The following LRRTM4 variants were observed in gnomAD, a reference collection of about 807,000 sequenced individuals.
The protein encoded by LRRTM4 is leucine-rich repeat transmembrane neuronal protein 4.
LRRTM4 carries 25 observed loss-of-function variants against 47.6 expected under a neutral mutation model. The ratio of observed to expected loss-of-function variants is 0.53; its 90% CI spans 0.38 to 0.73. LRRTM4 has a LOEUF of 0.73. LRRTM4 is among the 30% of genes least tolerant of loss of function. The pLI is 0.00. For missense variants in LRRTM4, 638 were observed against 713.4 expected, an observed-to-expected ratio of 0.89 and a Z score of 1.20; for synonymous variants, 311 against 269.5, an observed-to-expected ratio of 1.15 and a Z score of -1.51.
At chr2:77,006,664 T>C (rs1224269553) in intron 3 of LRRTM4, among the ~76,000 whole-genome samples, 1 of 152,114 alleles carries the variant, frequency 6.6e-6, no homozygotes, top group East Asian at 1.9e-4. Context: ...GATTCTAGAC[T>C]TCTGGGGATC....
chr2:77,218,810 C>A (rs1366721646), intron 3 of LRRTM4, among the ~76,000 whole-genome samples: 1 of 152,028 alleles, frequency 6.6e-6, no homozygotes, highest in Non-Finnish European at 1.5e-5. Context: ...CTTTGTGATG[C>A]CTTCATTGAA....
intron 3 of LRRTM4, among the ~76,000 whole-genome samples, chr2:76,875,035 C>T (rs564680278): frequency 6.6e-6 from 1 of 152,078 alleles, no homozygotes; most frequent in East Asian, 1.9e-4. Context: ...ATGGGGGTGG[C>T]ATTTAGTTTT....
At chr2:77,167,991 T>G (rs1672937552) in intron 3 of LRRTM4, among the ~76,000 whole-genome samples, 1 of 152,050 alleles carries the variant, frequency 6.6e-6, no homozygotes, top group Admixed American at 6.6e-5. Context: ...GTAAAATTAT[T>G]GTTTTATTAT....
chr2:77,132,759 C>T (rs573271349), intron 3 of LRRTM4, among the ~76,000 whole-genome samples: 228 of 152,250 alleles, frequency 1.5e-3, no homozygotes, highest in Non-Finnish European at 2.9e-3. Flanking sequence ...CCTAAAGTCC[C>T]CTCCTCTTAG....
intron 3 of LRRTM4, among the ~76,000 whole-genome samples, chr2:77,256,486 T>C (rs1474077394): frequency 6.6e-6 from 1 of 151,976 alleles, no homozygotes; most frequent in Non-Finnish European, 1.5e-5. Flanking sequence ...AGGGACCCAG[T>C]GGGAGGTAAT....
chr2:76,964,037 A>T (rs1299464338), intron 3 of LRRTM4, among the ~76,000 whole-genome samples: 2 of 151,016 alleles, frequency 1.3e-5, no homozygotes, highest in Admixed American at 6.6e-5. Context: ...AAATTTTAAT[A>T]AGACAAATAA....
At chr2:76,885,330 T>G (rs1275206740) in intron 3 of LRRTM4, among the ~76,000 whole-genome samples, 1 of 152,106 alleles carries the variant, frequency 6.6e-6, no homozygotes, top group African/African-American at 2.4e-5. Context: ...TGGGACCCTA[T>G]CTTACTTATC....
At chr2:77,520,777 C>T (rs1393237600) in intron 2 of LRRTM4, among the ~76,000 whole-genome samples, 1 of 151,856 alleles carries the variant, frequency 6.6e-6, no homozygotes, top group Admixed American at 6.6e-5. Flanking sequence ...TTTTTTCTCC[C>T]CTATCTCCAT....
intron 3 of LRRTM4, among the ~76,000 whole-genome samples, chr2:77,114,164 T>A (rs1394545829): frequency 4.6e-5 from 7 of 152,048 alleles, no homozygotes; most frequent in African/African-American, 1.7e-4. Context: ...GGGATTGCTA[T>A]GTCATCAGGA....
intron 3 of LRRTM4, among the ~76,000 whole-genome samples, chr2:77,088,382 G>A (rs13387548): frequency 0.18 from 27,122 of 151,882 alleles, 3,758 homozygotes; most frequent in East Asian, 0.42. Context: ...GTAAATGACC[G>A]GTCCTTGCCT....
At chr2:77,411,177 A>C (rs1674406197) in intron 3 of LRRTM4, among the ~76,000 whole-genome samples, 1 of 152,044 alleles carries the variant, frequency 6.6e-6, no homozygotes, top group Admixed American at 6.6e-5. Context: ...CATTTTCCGT[A>C]CCTTCGCCTG....
At position 77,038,867 on chromosome 2, in the gene LRRTM4, C is replaced by G. The variant is rs142173873; in HGVS notation, c.1552-289951G>C. Among the ~76,000 whole-genome samples the G allele has an allele frequency of 2.2e-3, 332 of 151,482 alleles. 1 individual carries two copies. Among genetic ancestry groups the G allele is most frequent in the African/African-American group, 7.5e-3 (309 of 41,470 alleles). The stretch of plus-strand genomic sequence containing the variant: ...ATTTTATTTCTTTGCACACTTGACT[C>G]TCAGACAAAAAATGTATGAGTTTAG... On this transcript the variant is annotated intron_variant, in intron 3 of 3. Coordinates refer to ENST00000409884, the MANE Select transcript of LRRTM4 (RefSeq NM_001134745.3).
intron 3 of LRRTM4, among the ~76,000 whole-genome samples, chr2:77,266,071 C>A (rs1676040683): frequency 6.6e-6 from 1 of 152,124 alleles, no homozygotes; most frequent in South Asian, 2.1e-4. Flanking sequence ...CACAGTCATG[C>A]CTACTCATTT....
chr2:76,993,647 G>A (rs930665811), intron 3 of LRRTM4, among the ~76,000 whole-genome samples: 7 of 151,772 alleles, frequency 4.6e-5, no homozygotes, highest in Non-Finnish European at 8.8e-5. Context: ...ATGCTTATAC[G>A]CTCTTCATGG....
intron 3 of LRRTM4, among the ~76,000 whole-genome samples, chr2:77,402,949 C>G (rs1364428795): frequency 2.6e-5 from 4 of 152,028 alleles, no homozygotes; most frequent in Non-Finnish European, 5.9e-5. Flanking sequence ...TCAGACCTTT[C>G]TCTCATAAAG....
chr2:77,189,783 A>C (rs1240412918), intron 3 of LRRTM4, among the ~76,000 whole-genome samples: 1 of 152,106 alleles, frequency 6.6e-6, no homozygotes, highest in Non-Finnish European at 1.5e-5. Flanking sequence ...ACACACACAC[A>C]CATTTATATA....
intron 3 of LRRTM4, among the ~76,000 whole-genome samples, chr2:76,763,810 TAAAG>T (rs779450003): frequency 6.6e-6 from 1 of 152,118 alleles, no homozygotes; most frequent in African/African-American, 2.4e-5. Flanking sequence ...GAATCACAAA[TAAAG>T]AAGAGGGTTA....
chr2:76,907,832 G>GA (rs1395908199), intron 3 of LRRTM4, among the ~76,000 whole-genome samples: 1 of 138,254 alleles, frequency 7.2e-6, no homozygotes, highest in African/African-American at 2.9e-5. Context: ...AACAGGAGCT[G>GA]AAATTGTGGC....
At chr2:76,998,591 A>G (rs1286654264) in intron 3 of LRRTM4, among the ~76,000 whole-genome samples, 1 of 151,756 alleles carries the variant, frequency 6.6e-6, no homozygotes, top group Non-Finnish European at 1.5e-5. Flanking sequence ...TGCACATTTA[A>G]CAAGAAACCC....
Sources: allele counts gnomAD v4.1 joint callset (sites outside exome capture counted in the v4.1 genomes callset), GRCh38; gene constraint gnomAD v4.1.1; transcripts MANE v1.5; gene names NCBI Gene and HGNC (gene_info 2026-07-23, HGNC 2026-07-21).